PPP2R3B: variants seen among roughly 807,000 people sequenced by gnomAD.
The protein encoded by PPP2R3B is serine/threonine-protein phosphatase 2A regulatory subunit B'' subunit beta.
A neutral mutation model predicts 72.9 loss-of-function variants in PPP2R3B; 68 were observed. That is an observed-to-expected ratio of 0.93 (90% confidence interval 0.77 to 1.14). The LOEUF is 1.14. PPP2R3B is among the 50% of genes most tolerant of loss of function. The probability of loss-of-function intolerance (pLI) is 0.00; values close to 1 mark genes in which losing one functional copy is unlikely to be tolerated. For synonymous variants in PPP2R3B, 466 were observed against 375.8 expected (o/e 1.24, Z -2.78); for missense variants, 1,018 against 842.0 (o/e 1.21, Z -2.59).
In PPP2R3B at chrX:361,607, C is replaced by T. The variant is rs749041655; in HGVS notation, c.325-17G>A. 4 of 1,612,878 alleles carry T rather than the reference C, an allele frequency of 2.5e-6. No homozygotes were observed. Among genetic ancestry groups the T allele is most frequent in the African/African-American group, 1.3e-5 (1 of 74,890 alleles). On this transcript the variant is annotated splice_polypyrimidine_tract_variant and intron_variant, in intron 1 of 12. Transcript: ENST00000390665. ...TGTCTGAACCTGAAGAGTCGACAGA[C>T]AGCGCTCAGTTAGAACCTGGGAGCA...
At chrX:383,993 A>G (rs1369194134) in intron 1 of PPP2R3B, among the ~76,000 whole-genome samples, 2 of 152,012 alleles carry the variant, frequency 1.3e-5, no homozygotes, top group African/African-American at 4.8e-5. Flanking sequence ...TAAAATCAAC[A>G]TCGTAAGACT....
At chrX:349,821 G>A (rs1352272110) in intron 2 of PPP2R3B, among the ~76,000 whole-genome samples, 1 of 152,188 alleles carries the variant, frequency 6.6e-6, no homozygotes, top group Admixed American at 6.5e-5. Context: ...GCAAACTGCA[G>A]GGCACGGCTG....
intron 1 of PPP2R3B, among the ~76,000 whole-genome samples, chrX:370,331 G>C (rs1220122456): frequency 6.6e-6 from 1 of 152,152 alleles, no homozygotes; most frequent in Non-Finnish European, 1.5e-5. Flanking sequence ...CCGAGCAACC[G>C]GGCCTCAACG....
At chrX:355,290 C>T (rs2071413616) in intron 2 of PPP2R3B, among the ~76,000 whole-genome samples, 1 of 152,166 alleles carries the variant, frequency 6.6e-6, no homozygotes, top group Admixed American at 6.5e-5. Context: ...GCTTGGGTAT[C>T]AATGTGATGA....
At chrX:364,204 T>G (rs1172149458) in intron 1 of PPP2R3B, among the ~76,000 whole-genome samples, 1 of 152,088 alleles carries the variant, frequency 6.6e-6, no homozygotes, top group East Asian at 1.9e-4. Context: ...GTGGGAAGAA[T>G]GAGCTCCAAG....
intron 1 of PPP2R3B, among the ~76,000 whole-genome samples, chrX:378,874 A>C (rs1185216307): frequency 1.3e-5 from 2 of 152,206 alleles, no homozygotes; most frequent in Non-Finnish European, 2.9e-5. Flanking sequence ...CCTGTACAAA[A>C]GCTACAGTCC....
intron 1 of PPP2R3B, among the ~76,000 whole-genome samples, chrX:378,868 T>C (rs1327375968): frequency 6.6e-6 from 1 of 152,214 alleles, no homozygotes; most frequent in Non-Finnish European, 1.5e-5. Flanking sequence ...CACGCACCTG[T>C]ACAAAAGCTA....
chrX:335,733 C>T lies in PPP2R3B; in HGVS notation c.1578-1216G>A, dbSNP rs1454817312. ...AGTGAACCTCGTCGGCCCCTCGCCTCACTGATCACACACAAAGTCAGTATC... is the reference window on the plus strand; with the variant it reads ...AGTGAACCTCGTCGGCCCCTCGCCTTACTGATCACACACAAAGTCAGTATC... On this transcript the variant is annotated intron_variant, in intron 12 of 12. Coordinates refer to ENST00000390665, the MANE Select transcript of PPP2R3B (RefSeq NM_013239.5). The T allele has an allele frequency of 2.0e-5, 3 of 152,242 alleles. No individual in the cohort carries two copies. In the East Asian group the frequency reaches 5.8e-4, roughly 29 times the overall value. 9.4% of individuals were successfully genotyped at this position (152,242 alleles called of 1,614,324 possible). A position where few individuals can be genotyped will look rare whatever the true frequency, so the allele number is the denominator to read the frequency against.
intron 1 of PPP2R3B, among the ~76,000 whole-genome samples, chrX:367,512 C>T (rs1408740790): frequency 6.6e-6 from 1 of 152,056 alleles, no homozygotes; most frequent in Admixed American, 6.6e-5. Context: ...ATTCTCCTGC[C>T]TCAGCCTCCC....
chrX:369,645 A>G (rs1378541627), intron 1 of PPP2R3B, among the ~76,000 whole-genome samples: 1 of 152,140 alleles, frequency 6.6e-6, no homozygotes, highest in Non-Finnish European at 1.5e-5. Flanking sequence ...CTCTCGCGAC[A>G]CCAGCCTCGG....
At chrX:363,401 C>G (rs2071591529) in intron 1 of PPP2R3B, among the ~76,000 whole-genome samples, 1 of 150,824 alleles carries the variant, frequency 6.6e-6, no homozygotes, top group African/African-American at 2.4e-5. Context: ...CCCGAGCCCG[C>G]AATCCCACAG....
At position 386,727 on chromosome X, in the gene PPP2R3B, G is replaced by GCGCCCCGCCC; in HGVS notation, c.-46_-37dup. Reference sequence around the variant, plus strand: ...GGGCCCGCGGCGCCCCCGGACGCCCGCGCCCCGCCCCGCCCCGGGGGCTTC... The same window carrying GCGCCCCGCCC: ...GGGCCCGCGGCGCCCCCGGACGCCCGCGCCCCGCCCCGCCCCGCCCCGCCCCGGGGGCTTC... On this transcript the variant is annotated 5_prime_UTR_variant, in exon 1 of 13. Coordinates refer to ENST00000390665, the MANE Select transcript of PPP2R3B (RefSeq NM_013239.5). The GCGCCCCGCCC allele has an allele frequency of 2.5e-6, 3 of 1,205,388 alleles. 1 individual carries two copies. The highest frequency in any genetic ancestry group is 2.1e-6 in the Non-Finnish European group (2 of 973,028). The allele number at this position is 1,205,388 out of a possible 1,614,324, so 74.7% of individuals were successfully genotyped here. A position where few individuals can be genotyped will look rare whatever the true frequency, so the allele number is the denominator to read the frequency against.
At chrX:347,715 TG>T in intron 2 of PPP2R3B, 22 bp from the exon 3 acceptor site, 1 of 1,501,464 alleles carries the variant, frequency 6.7e-7, no homozygotes. Flanking sequence ...AGGGCAGGAG[TG>T]GGCAGTCAGC....
At chrX:338,921 G>A (rs1393928119) in intron 10 of PPP2R3B, 25 bp from the exon 11 acceptor site, 2 of 1,598,420 alleles carry the variant, frequency 1.3e-6, no homozygotes, top group African/African-American at 2.7e-5. Context: ...GTGCGTCCAA[G>A]GCGCGTGAGC....
intron 1 of PPP2R3B, among the ~76,000 whole-genome samples, chrX:370,777 G>C (rs779617890): frequency 2.0e-5 from 3 of 152,208 alleles, no homozygotes; most frequent in Non-Finnish European, 4.4e-5. Context: ...GGAACGGCAC[G>C]TGCCCTGGCG....
chrX:385,890 G>C (rs901665334), intron 1 of PPP2R3B, among the ~76,000 whole-genome samples: 4 of 152,124 alleles, frequency 2.6e-5, no homozygotes, highest in African/African-American at 9.7e-5. Context: ...AGACCAGCCT[G>C]GCCCACATGG....
chrX:350,496 A>G (rs2071307261), intron 2 of PPP2R3B, among the ~76,000 whole-genome samples: 1 of 152,226 alleles, frequency 6.6e-6, no homozygotes, highest in South Asian at 2.1e-4. Flanking sequence ...CGAGGGACTC[A>G]GAGGCAGAAT....
intron 7 of PPP2R3B, among the ~76,000 whole-genome samples, chrX:342,391 G>C (rs781151314): frequency 2.0e-4 from 19 of 93,544 alleles, no homozygotes; most frequent in African/African-American, 2.7e-4. Flanking sequence ...TGAGACCTCA[G>C]CAACGGGAGG....
chrX:364,722 C>A (rs868795149), intron 1 of PPP2R3B, among the ~76,000 whole-genome samples: 12 of 50,742 alleles, frequency 2.4e-4, no homozygotes, highest in South Asian at 8.4e-4. Flanking sequence ...TGTCTCAAAA[C>A]AAAACAAACG....
Sources: allele counts gnomAD v4.1 joint callset (sites outside exome capture counted in the v4.1 genomes callset), GRCh38; gene constraint gnomAD v4.1.1; transcripts MANE v1.5; gene names NCBI Gene and HGNC (gene_info 2026-07-23, HGNC 2026-07-21).